Variants in OSBPL10 observed in about 807,000 individuals in gnomAD.
OSBPL10 encodes the protein oxysterol-binding protein-related protein 10.
OSBPL10 carries 49 observed loss-of-function variants against 81.7 expected under a neutral mutation model. The ratio of observed to expected loss-of-function variants is 0.60; its 90% CI spans 0.48 to 0.76. The LOEUF is 0.76. OSBPL10 is among the 30% of genes least tolerant of loss of function. The pLI is 0.00. For synonymous variants in OSBPL10, 419 were observed against 383.6 expected, an observed-to-expected ratio of 1.09 and a Z score of -1.08; for missense variants, 923 against 987.8, an observed-to-expected ratio of 0.93 and a Z score of 0.88.
chr3:32,030,371 G>T, intron 2 of OSBPL10: 1 of 569,842 alleles, frequency 1.8e-6, no homozygotes, highest in Non-Finnish European at 3.3e-6. Flanking sequence ...AGGCACCATG[G>T]CTAAACTGGA....
chr3:31,778,451 T>C (rs953506586), intron 4 of OSBPL10, among the ~76,000 whole-genome samples: 4 of 152,098 alleles, frequency 2.6e-5, no homozygotes, highest in African/African-American at 7.2e-5. Flanking sequence ...ATTGAAGAAG[T>C]AGAGGAACTT....
At chr3:31,794,477 T>G (rs546924838) in intron 4 of OSBPL10, 15 of 226,018 alleles carry the variant, frequency 6.6e-5, no homozygotes, top group Non-Finnish European at 1.3e-4. Context: ...TGAATGGCCA[T>G]GGTTGTGCTG....
At chr3:31,875,566 A>G (rs908952470) in intron 3 of OSBPL10, among the ~76,000 whole-genome samples, 1 of 151,988 alleles carries the variant, frequency 6.6e-6, no homozygotes, top group Non-Finnish European at 1.5e-5. Context: ...AAAAAAAAAA[A>G]AAAAAAGCAT....
At chr3:32,022,616 T>C (rs1176317352) in intron 2 of OSBPL10, among the ~76,000 whole-genome samples, 3 of 152,016 alleles carry the variant, frequency 2.0e-5, no homozygotes, top group Non-Finnish European at 4.4e-5. Context: ...TGAAACCCCA[T>C]CTCTACAAAA....
At chr3:31,927,303 G>A (rs1042987578) in intron 1 of OSBPL10, among the ~76,000 whole-genome samples, 2 of 152,190 alleles carry the variant, frequency 1.3e-5, no homozygotes, top group African/African-American at 2.4e-5. Context: ...GGAATATTTG[G>A]AGGTTATTTT....
chr3:31,735,176 T>A (rs1697112612), intron 5 of OSBPL10, among the ~76,000 whole-genome samples: 1 of 152,242 alleles, frequency 6.6e-6, no homozygotes, highest in African/African-American at 2.4e-5. Flanking sequence ...GGCTCCCACC[T>A]GTAATTCCAG....
At chr3:31,978,973 T>A (rs974952234) in intron 1 of OSBPL10, among the ~76,000 whole-genome samples, 16 of 152,092 alleles carry the variant, frequency 1.1e-4, no homozygotes, top group African/African-American at 3.1e-4. Context: ...CAAGGTAAAA[T>A]ATTGTTCCCC....
intron 2 of OSBPL10, among the ~76,000 whole-genome samples, chr3:31,996,879 A>G (rs181157873): frequency 6.6e-6 from 1 of 152,290 alleles, no homozygotes; most frequent in African/African-American, 2.4e-5. Flanking sequence ...TCCATTCAAT[A>G]TGGTATGTGG....
intron 6 of OSBPL10, among the ~76,000 whole-genome samples, chr3:31,720,731 T>C (rs1013302037): frequency 1.3e-5 from 2 of 151,854 alleles, no homozygotes; most frequent in African/African-American, 4.8e-5. Flanking sequence ...ACACCCCATC[T>C]CTACTCAAAG....
chr3:31,861,721 CTATTT>C (rs1241023082), intron 3 of OSBPL10, among the ~76,000 whole-genome samples: 2 of 152,154 alleles, frequency 1.3e-5, no homozygotes, highest in Admixed American at 6.5e-5. Flanking sequence ...AAAGTGACTA[CTATTT>C]TATTTTATCT....
intron 2 of OSBPL10, chr3:31,990,007 G>C (rs1233842082): frequency 5.0e-6 from 8 of 1,613,986 alleles, no homozygotes; most frequent in Non-Finnish European, 5.9e-6. Context: ...ACTTCATACT[G>C]GAGAGAAACC....
At position 31,748,117 on chromosome 3, in the gene OSBPL10, T is replaced by C. The variant is rs1697591086; in HGVS notation, c.733A>G (p.Met245Val). ...SGQLHEVREM[M>V]NQVEGQQKNL... ...TTCTGCTGCCCTTCCACCTGGTTCA[T>C]CATCTACAAAACAAGAAGACAGTAA... The change falls in exon 5 of 12, where the codon ATG (methionine) becomes GTG (valine). Residue 245 changes from methionine (M) to valine (V), a missense_variant. Transcript: ENST00000396556. 1 of 1,611,288 alleles carries C rather than the reference T, an allele frequency of 6.2e-7. No individual in the cohort carries two copies. The highest frequency in any genetic ancestry group is 1.3e-5 in the African/African-American group (1 of 74,880).
chr3:31,885,983 G>A (rs376395302), intron 1 of OSBPL10, among the ~76,000 whole-genome samples: 10 of 80,442 alleles, frequency 1.2e-4, no homozygotes, highest in African/African-American at 2.7e-4. Context: ...AAACAAGAGC[G>A]AAACTCCATC....
chr3:32,009,496 G>A (rs551935134), intron 2 of OSBPL10, among the ~76,000 whole-genome samples: 1 of 152,304 alleles, frequency 6.6e-6, no homozygotes, highest in Admixed American at 6.5e-5. Flanking sequence ...CTACAAGGAG[G>A]AATAAATGAA....
intron 4 of OSBPL10, among the ~76,000 whole-genome samples, chr3:31,810,197 T>G (rs1188609972): frequency 6.6e-6 from 1 of 152,138 alleles, no homozygotes; most frequent in East Asian, 1.9e-4. Context: ...ACCAAATTTC[T>G]TATTTAAAAA....
intron 1 of OSBPL10, among the ~76,000 whole-genome samples, chr3:32,059,785 G>T (rs530965936): frequency 3.3e-5 from 5 of 150,896 alleles, no homozygotes; most frequent in Non-Finnish European, 7.4e-5. Context: ...GGTGGCACAT[G>T]CCTGTAGTCC....
intron 7 of OSBPL10, among the ~76,000 whole-genome samples, chr3:31,694,958 T>C (rs1037371475): frequency 9.9e-5 from 15 of 152,210 alleles, no homozygotes; most frequent in Non-Finnish European, 1.9e-4. Flanking sequence ...TTTTCCATGT[T>C]GGTCAGGCTG....
intron 5 of OSBPL10, among the ~76,000 whole-genome samples, chr3:31,743,125 C>G (rs34307700): frequency 6.6e-6 from 1 of 150,530 alleles, no homozygotes; most frequent in Non-Finnish European, 1.5e-5. Context: ...ACTGCAACCT[C>G]CACCTCCAGG....
intron 11 of OSBPL10, chr3:31,663,725 A>C (rs1227874024): frequency 2.6e-6 from 3 of 1,146,582 alleles, no homozygotes; most frequent in Non-Finnish European, 3.2e-6. Context: ...TTTGTTACTA[A>C]AGATGATCTA....
Sources: gnomAD v4.1 joint callset for allele counts (sites outside exome capture counted in the v4.1 genomes callset) on GRCh38, gnomAD v4.1.1 for gene constraint, MANE v1.5 for transcripts, NCBI Gene and HGNC (gene_info 2026-07-23, HGNC 2026-07-21) for gene names.